The following KIAA1328 variants were observed in gnomAD, a reference collection of about 807,000 sequenced individuals.
KIAA1328 encodes protein hinderin.
In KIAA1328, 52 loss-of-function variants were observed where a neutral mutation model predicts 68.1. That is an observed-to-expected ratio of 0.76 (90% CI 0.61 to 0.96). KIAA1328 has a LOEUF of 0.96. Ranked by LOEUF, KIAA1328 falls within the 40% of genes least tolerant of loss-of-function variation. The probability of loss-of-function intolerance (pLI) is 0.00; values close to 1 mark genes in which losing one functional copy is unlikely to be tolerated. For missense variants in KIAA1328, 641 were observed against 677.6 expected (o/e 0.95, Z 0.60); for synonymous variants, 232 against 239.4 (o/e 0.97, Z 0.28).
chr18:36,960,983 G>A (rs1305888946), intron 6 of KIAA1328, among the ~76,000 whole-genome samples: 3 of 152,204 alleles, frequency 2.0e-5, no homozygotes, highest in Non-Finnish European at 4.4e-5. Context: ...GTTGACAGAA[G>A]TGGGTTTCAG....
chr18:37,091,807 C>T (rs1599231859), intron 7 of KIAA1328, among the ~76,000 whole-genome samples: 2 of 152,188 alleles, frequency 1.3e-5, no homozygotes, highest in Admixed American at 6.5e-5. Flanking sequence ...TATTGTCCTA[C>T]ACCCTAGGGA....
intron 9 of KIAA1328, among the ~76,000 whole-genome samples, chr18:37,209,532 T>C (rs1473333181): frequency 3.3e-5 from 5 of 152,118 alleles, no homozygotes; most frequent in African/African-American, 1.2e-4. Context: ...ATAAGGTGAC[T>C]GTGGATTGAT....
intron 7 of KIAA1328, among the ~76,000 whole-genome samples, chr18:37,081,764 T>G (rs1344763082): frequency 6.6e-6 from 1 of 152,220 alleles, no homozygotes. Flanking sequence ...TCCTTCATGT[T>G]TCTTTCTCAA....
chr18:36,975,213 C>T (rs34488545), intron 6 of KIAA1328, among the ~76,000 whole-genome samples: 3,837 of 139,600 alleles, frequency 0.027, 77 homozygotes, highest in Middle Eastern at 0.067. Context: ...GACGGAGTCT[C>T]GCTCTGTCGC....
rs1167144894 is a variant in KIAA1328 at position 37,224,976 on chromosome 18, T to C, written c.*2749T>C. 3 of 985,376 alleles carry C rather than the reference T, an allele frequency of 3.0e-6. No homozygotes were observed. The highest frequency in any genetic ancestry group is 1.2e-4 in the Admixed American group (2 of 16,270). 61.0% of individuals were successfully genotyped at this position (985,376 alleles called of 1,614,324 possible). A position where few individuals can be genotyped will look rare whatever the true frequency, so the allele number is the denominator to read the frequency against. ...AGAAAAGCTTTTGCTAACAGTCCGC[T>C]TTCCAGGAGGCAAACTTGTGTTTAT... is the stretch of plus-strand genomic sequence containing the variant. On this transcript the variant is annotated 3_prime_UTR_variant, in exon 10 of 10. Transcript: ENST00000280020.
chr18:37,125,831 C>T (rs1270213848), intron 7 of KIAA1328, among the ~76,000 whole-genome samples: 1 of 152,202 alleles, frequency 6.6e-6, no homozygotes, highest in African/African-American at 2.4e-5. Context: ...AAAACACAGG[C>T]ACACACAGCT....
At chr18:36,897,268 G>A (rs2048895451) in intron 5 of KIAA1328, among the ~76,000 whole-genome samples, 1 of 152,104 alleles carries the variant, frequency 6.6e-6, no homozygotes, top group East Asian at 1.9e-4. Flanking sequence ...AATGGAGAAA[G>A]AATTCTTCCA....
At chr18:36,975,100 T>C (rs1414361351) in intron 6 of KIAA1328, among the ~76,000 whole-genome samples, 1 of 152,186 alleles carries the variant, frequency 6.6e-6, no homozygotes, top group Non-Finnish European at 1.5e-5. Flanking sequence ...TGATATTATG[T>C]TGATATCAGT....
intron 9 of KIAA1328, among the ~76,000 whole-genome samples, chr18:37,205,470 A>G (rs1021124760): frequency 2.0e-5 from 3 of 152,230 alleles, no homozygotes; most frequent in South Asian, 4.1e-4. Context: ...CTGTCCTGCC[A>G]TCAGACAAAC....
chr18:37,221,822 T>A (rs1238787092), intron 9 of KIAA1328, among the ~76,000 whole-genome samples, 195 bp from the exon 10 acceptor site: 6 of 152,190 alleles, frequency 3.9e-5, no homozygotes, highest in African/African-American at 1.2e-4. Context: ...GAAGAGCTTA[T>A]GTACAGGCAG....
At position 36,850,417 on chromosome 18, in the gene KIAA1328, T is replaced by C. The variant is rs112568329; in HGVS notation, c.332+6115T>C. ...TGAGGATTCTCTAGGCTTTTCTATA[T>C]ACAGTAGTCTCCCTTATCAGGGAAT... is the stretch of plus-strand genomic sequence containing the variant. On this transcript the variant is annotated intron_variant, in intron 4 of 9. Coordinates refer to ENST00000280020, the MANE Select transcript of KIAA1328 (RefSeq NM_020776.3). 4.7e-3 allele frequency among the ~76,000 whole-genome samples: 718 copies of C among 152,208 alleles called. 7 individuals are homozygous for C. Among genetic ancestry groups the C allele is most frequent in the African/African-American group, 0.016 (681 of 41,548 alleles).
At chr18:37,038,416 A>G (rs993491155) in intron 6 of KIAA1328, among the ~76,000 whole-genome samples, 1 of 152,038 alleles carries the variant, frequency 6.6e-6, no homozygotes, top group African/African-American at 2.4e-5. Flanking sequence ...AATTTTATTC[A>G]TTTTGATGCT....
At chr18:36,919,151 C>T (rs1293839753) in intron 5 of KIAA1328, among the ~76,000 whole-genome samples, 1 of 152,068 alleles carries the variant, frequency 6.6e-6, no homozygotes, top group Non-Finnish European at 1.5e-5. Context: ...CATATATGAT[C>T]TATTTTATCA....
chr18:36,853,963 T>A (rs1260683204), intron 4 of KIAA1328, among the ~76,000 whole-genome samples: 1 of 152,178 alleles, frequency 6.6e-6, no homozygotes, highest in Non-Finnish European at 1.5e-5. Flanking sequence ...CGGCCCACTG[T>A]GTGCTTTTTA....
At chr18:36,848,327 TTA>T (rs2047094325) in intron 4 of KIAA1328, among the ~76,000 whole-genome samples, 1 of 151,508 alleles carries the variant, frequency 6.6e-6, no homozygotes, top group Admixed American at 6.6e-5. Flanking sequence ...GTAAGTGGTG[TTA>T]TTAGAAATTT....
chr18:37,226,838 G>T (rs1412929084), downstream of KIAA1328, among the ~76,000 whole-genome samples: 1 of 149,170 alleles, frequency 6.7e-6, no homozygotes, highest in Non-Finnish European at 1.5e-5. Flanking sequence ...CGCAATCTCA[G>T]CTCACTGCAA....
At chr18:37,075,593 A>T (rs1319294278) in intron 7 of KIAA1328, 2 of 152,218 alleles carry the variant, frequency 1.3e-5, no homozygotes, top group Non-Finnish European at 2.9e-5. Context: ...AACCCATCTC[A>T]CATGCAGAGA....
rs1377711866 is a variant in KIAA1328 at position 37,023,460 on chromosome 18, C to A, written c.577-43430C>A. Among the ~76,000 whole-genome samples the A allele has an allele frequency of 1.3e-5, 2 of 151,936 alleles. 1 individual carries two copies. Among genetic ancestry groups the A allele is most frequent in the Non-Finnish European group, 2.9e-5 (2 of 67,998 alleles). On this transcript the variant is annotated intron_variant, in intron 6 of 9. Transcript: ENST00000280020. ...TTTCTGTATTGCAAATGTAGAAGAT[C>A]TTCGTATTTTTTTCATACAGGGAGA... is the stretch of plus-strand genomic sequence containing the variant.
At chr18:37,173,895 C>G (rs1013090588) in intron 9 of KIAA1328, among the ~76,000 whole-genome samples, 2 of 152,102 alleles carry the variant, frequency 1.3e-5, no homozygotes, top group African/African-American at 4.8e-5. Context: ...TATTCCAGTC[C>G]AGTGCCTATA....
Sources: allele counts gnomAD v4.1 joint callset (sites outside exome capture counted in the v4.1 genomes callset), GRCh38; gene constraint gnomAD v4.1.1; transcripts MANE v1.5; gene names NCBI Gene and HGNC (gene_info 2026-07-23, HGNC 2026-07-21).